Variants in MAGI2 observed in about 807,000 individuals in gnomAD.
The protein encoded by MAGI2 is membrane-associated guanylate kinase, WW and PDZ domain-containing protein 2.
In MAGI2, 35 loss-of-function variants were observed where a neutral mutation model predicts 133.3. That is an observed-to-expected ratio of 0.26 (90% CI 0.20 to 0.35). MAGI2 has a LOEUF of 0.35. MAGI2 is among the 10% of genes least tolerant of loss of function. MAGI2 has a pLI of 1.00. For missense variants in MAGI2, 1,636 were observed against 1,863.4 expected, an observed-to-expected ratio of 0.88 and a Z score of 2.25; for synonymous variants, 729 against 710.6, an observed-to-expected ratio of 1.03 and a Z score of -0.41.
At chr7:78,341,312 G>T (rs1790349206) in intron 9 of MAGI2, among the ~76,000 whole-genome samples, 1 of 152,110 alleles carries the variant, frequency 6.6e-6, no homozygotes, top group Admixed American at 6.6e-5. Flanking sequence ...AATAAGAGAG[G>T]ACACAAACAA....
intron 1 of MAGI2, among the ~76,000 whole-genome samples, chr7:79,031,482 A>G (rs971937440): frequency 6.6e-6 from 1 of 152,202 alleles, no homozygotes; most frequent in Non-Finnish European, 1.5e-5. Context: ...ATTATGTCTC[A>G]AAATATTGAA....
At chr7:79,057,106 G>C (rs1813217135) in intron 1 of MAGI2, among the ~76,000 whole-genome samples, 1 of 152,118 alleles carries the variant, frequency 6.6e-6, no homozygotes. Context: ...CAAGCTCACA[G>C]AACATCTTGT....
At chr7:78,978,593 C>T (rs536641692) in intron 2 of MAGI2, among the ~76,000 whole-genome samples, 7 of 151,902 alleles carry the variant, frequency 4.6e-5, no homozygotes, top group African/African-American at 1.7e-4. Context: ...ACGCATTTGT[C>T]AAAACCCAAA....
chr7:78,956,049 A>T (rs1802353100), intron 2 of MAGI2, among the ~76,000 whole-genome samples: 1 of 152,062 alleles, frequency 6.6e-6, no homozygotes, highest in African/African-American at 2.4e-5. Flanking sequence ...ACAGTAAGAA[A>T]CATACAGTAC....
chr7:78,787,583 A>G (rs1826942875), intron 2 of MAGI2, among the ~76,000 whole-genome samples: 1 of 152,234 alleles, frequency 6.6e-6, no homozygotes, highest in Non-Finnish European at 1.5e-5. Context: ...AGATAAAAAA[A>G]GTATTTTTCT....
chr7:78,384,394 A>G (rs1220556526), intron 6 of MAGI2, among the ~76,000 whole-genome samples: 1 of 152,184 alleles, frequency 6.6e-6, no homozygotes, highest in African/African-American at 2.4e-5. Flanking sequence ...CTAATTATTA[A>G]TTCATTACAA....
chr7:78,229,355 A>G (rs1174201157), intron 10 of MAGI2, among the ~76,000 whole-genome samples: 2 of 152,240 alleles, frequency 1.3e-5, no homozygotes, highest in Non-Finnish European at 2.9e-5. Flanking sequence ...ACACAGGCCA[A>G]GTGAACACCA....
chr7:78,347,665 C>G (rs1791057005), intron 7 of MAGI2, among the ~76,000 whole-genome samples: 1 of 152,170 alleles, frequency 6.6e-6, no homozygotes, highest in African/African-American at 2.4e-5. Context: ...ATAAGAAAGG[C>G]TTTACTGGGG....
At chr7:78,787,888 A>G (rs562527770) in intron 2 of MAGI2, among the ~76,000 whole-genome samples, 23 of 152,218 alleles carry the variant, frequency 1.5e-4, no homozygotes, top group Non-Finnish European at 3.4e-4. Flanking sequence ...ATAGAAGTTT[A>G]ATTATTAAAA....
At chr7:78,177,625 A>G (rs1045920651) in intron 14 of MAGI2, among the ~76,000 whole-genome samples, 2 of 152,128 alleles carry the variant, frequency 1.3e-5, no homozygotes, top group Admixed American at 6.5e-5. Context: ...CCTGTGTTTT[A>G]TCTCCTTTGC....
At chr7:78,255,081 T>A (rs1405265178) in intron 10 of MAGI2, 1 of 152,292 alleles carries the variant, frequency 6.6e-6, no homozygotes, top group Non-Finnish European at 1.5e-5. Context: ...GATAGTATCC[T>A]CTTTATCTAT....
At chr7:79,368,315 C>G (rs1381396061) in intron 1 of MAGI2, among the ~76,000 whole-genome samples, 12 of 152,060 alleles carry the variant, frequency 7.9e-5, no homozygotes, top group Admixed American at 7.9e-4. Context: ...TAGACAGAAA[C>G]TGGCTAGGGT....
At chr7:78,163,722 T>C (rs572437941) in intron 15 of MAGI2, among the ~76,000 whole-genome samples, 91 of 151,900 alleles carry the variant, frequency 6.0e-4, no homozygotes, top group Non-Finnish European at 1.1e-3. Flanking sequence ...CTGGCTAACA[T>C]GGTGAAACCC....
At chr7:78,986,003 C>G (rs1278583463) in intron 2 of MAGI2, among the ~76,000 whole-genome samples, 1 of 152,028 alleles carries the variant, frequency 6.6e-6, no homozygotes, top group East Asian at 1.9e-4. Flanking sequence ...ACACATTCTC[C>G]ACACTGTATT....
chr7:79,243,212 C>T (rs886467853), intron 1 of MAGI2, among the ~76,000 whole-genome samples: 9 of 152,128 alleles, frequency 5.9e-5, no homozygotes, highest in Admixed American at 2.0e-4. Flanking sequence ...TCAGCTCACA[C>T]ATGTACACAG....
chr7:78,550,421 A>G (rs1310882836), intron 3 of MAGI2, among the ~76,000 whole-genome samples: 1 of 152,178 alleles, frequency 6.6e-6, no homozygotes, highest in Non-Finnish European at 1.5e-5. Context: ...TGGACTTAGG[A>G]TGGCTCAATA....
At chr7:78,272,201 C>G (rs1794647724) in intron 9 of MAGI2, among the ~76,000 whole-genome samples, 1 of 152,130 alleles carries the variant, frequency 6.6e-6, no homozygotes, top group Admixed American at 6.6e-5. Flanking sequence ...TCGTTATTTA[C>G]CCAGTAGTCA....
intron 9 of MAGI2, among the ~76,000 whole-genome samples, chr7:78,313,834 T>TAAAAAGTGAC (rs1798932320): frequency 6.6e-6 from 1 of 152,150 alleles, no homozygotes; most frequent in Non-Finnish European, 1.5e-5. Flanking sequence ...ACAATGACTT[T>TAAAAAGTGAC]TTAAAATGAC....
chr7:78,262,862 A>G (rs1197329545), intron 9 of MAGI2, among the ~76,000 whole-genome samples: 2 of 152,140 alleles, frequency 1.3e-5, no homozygotes, highest in Non-Finnish European at 2.9e-5. Flanking sequence ...ATACATGCGT[A>G]GGTTTGTTAC....
Sources: allele counts gnomAD v4.1 joint callset (sites outside exome capture counted in the v4.1 genomes callset), GRCh38; gene constraint gnomAD v4.1.1; transcripts MANE v1.5; gene names NCBI Gene and HGNC (gene_info 2026-07-23, HGNC 2026-07-21).